The following RNF19A variants were observed in gnomAD, a reference collection of about 807,000 sequenced individuals.
The protein encoded by RNF19A is ring finger protein 19A, RBR E3 ubiquitin protein ligase, also known as E3 ubiquitin-protein ligase RNF19A.
RNF19A carries 32 observed loss-of-function variants against 75.7 expected under a neutral mutation model. The ratio of observed to expected loss-of-function variants is 0.42; its 90% CI spans 0.32 to 0.57. RNF19A has a LOEUF of 0.57. Ranked by LOEUF, RNF19A falls within the 20% of genes least tolerant of loss-of-function variation. The pLI is 0.10. For synonymous variants in RNF19A, 335 were observed against 345.2 expected (o/e 0.97, Z 0.33); for missense variants, 782 against 1,036.3 (o/e 0.75, Z 3.37).
intron 2 of RNF19A, among the ~76,000 whole-genome samples, chr8:100,282,312 T>A (rs529307065): frequency 6.6e-6 from 1 of 152,168 alleles, no homozygotes; most frequent in Admixed American, 6.5e-5. Flanking sequence ...AGATTGAGCA[T>A]CCCTAGTCAA....
chr8:100,257,232 AAG>A lies in RNF19A; in HGVS notation c.*1322_*1323del, dbSNP rs1169493247. 3 of 152,664 alleles carry A rather than the reference AAG, an allele frequency of 2.0e-5. No individual in the cohort carries two copies. The highest frequency in any genetic ancestry group is 6.5e-5 in the Admixed American group (1 of 15,286). The allele number at this position is 152,664 out of a possible 1,614,324, so 9.5% of individuals were successfully genotyped here. A position where few individuals can be genotyped will look rare whatever the true frequency, so the allele number is the denominator to read the frequency against. On this transcript the variant is annotated 3_prime_UTR_variant, in exon 10 of 10. Coordinates refer to ENST00000341084, the MANE Select transcript of RNF19A (RefSeq NM_183419.4). The stretch of plus-strand genomic sequence containing the variant: ...ACCTGGTAGGGAAAAGTGATGGAAG[AAG>A]ACTGCAGCCCATGGCATTTTTCTTT...
chr8:100,304,558 T>C (rs1251780558), intron 1 of RNF19A, among the ~76,000 whole-genome samples: 2 of 152,234 alleles, frequency 1.3e-5, no homozygotes, highest in African/African-American at 4.8e-5. Context: ...CCTTATTTCA[T>C]GATTTTATTT....
chr8:100,295,148 G>T (rs935389488), intron 1 of RNF19A, among the ~76,000 whole-genome samples: 1 of 152,094 alleles, frequency 6.6e-6, no homozygotes, highest in African/African-American at 2.4e-5. Context: ...GAATGACTTT[G>T]CAAGGATCTA....
chr8:100,329,068 T>G lies in RNF19A; in HGVS notation c.-243+7040A>C, dbSNP rs7837515. 0.32 allele frequency among the ~76,000 whole-genome samples: 49,208 copies of G among 151,964 alleles called. 11,496 individuals are homozygous for G. Among genetic ancestry groups the G allele is most frequent in the African/African-American group, 0.66 (27,383 of 41,392 alleles). On this transcript the variant is annotated intron_variant, in intron 1 of 3. Coordinates refer to the RNF19A transcript ENST00000519527. This position sits in a 1 kb window ranked among gnomAD's most constrained non-coding sequence, Gnocchi z 4.3. The stretch of plus-strand genomic sequence containing the variant: ...GTGACTAATTCCAGGTGCCTCCAGA[T>G]CTGTCCTGGCTGCTACCCTTTAATT...
At chr8:100,268,703 A>AC in intron 5 of RNF19A, 82 bp downstream of exon 5, 1 of 782,132 alleles carries the variant, frequency 1.3e-6, no homozygotes, top group East Asian at 3.3e-5. Context: ...AAAAAAAAAA[A>AC]ACCCAAAAAT....
chr8:100,278,826 G>C (rs1001949786), intron 2 of RNF19A, among the ~76,000 whole-genome samples: 4 of 151,952 alleles, frequency 2.6e-5, no homozygotes, highest in Non-Finnish European at 5.9e-5. Context: ...TTGACAAGAA[G>C]AATTAAAAGC....
chr8:100,309,472 C>A, intron 1 of RNF19A: 1 of 985,546 alleles, frequency 1.0e-6, no homozygotes, highest in Non-Finnish European at 1.2e-6. Context: ...CCTTGGGTCT[C>A]CCCCGCTTTA....
At position 100,264,243 on chromosome 8, in the gene RNF19A, C is replaced by T. The variant is rs1343915722; in HGVS notation, c.1307-48G>A. 5 of 1,472,090 alleles carry T rather than the reference C, an allele frequency of 3.4e-6. No individual in the cohort carries two copies. Among genetic ancestry groups the T allele is most frequent in the Admixed American group, 3.8e-5 (2 of 52,328 alleles). 91.2% of individuals were successfully genotyped at this position (1,472,090 alleles called of 1,614,324 possible). On this transcript the variant is annotated intron_variant, in intron 6 of 9. Coordinates refer to ENST00000341084, the MANE Select transcript of RNF19A (RefSeq NM_183419.4). This position sits in a 1 kb window ranked among gnomAD's most constrained non-coding sequence, Gnocchi z 4.7. ...ATTACAAACAACAACAACAAAATAACTCACAGAAACATGAGTTTTAGAAAG... is the reference window on the plus strand; with the variant it reads ...ATTACAAACAACAACAACAAAATAATTCACAGAAACATGAGTTTTAGAAAG...
At chr8:100,294,237 C>A (rs1435364523) in intron 1 of RNF19A, among the ~76,000 whole-genome samples, 1 of 152,104 alleles carries the variant, frequency 6.6e-6, no homozygotes, top group African/African-American at 2.4e-5. Flanking sequence ...TTTTATTATA[C>A]TGGGCAATTA....
intron 2 of RNF19A, among the ~76,000 whole-genome samples, chr8:100,281,321 T>C (rs1286651687): frequency 1.3e-5 from 2 of 152,056 alleles, no homozygotes; most frequent in South Asian, 2.1e-4. Context: ...CCAAGTAAAA[T>C]TAAAGTGGTT....
Position 100,264,815 on chromosome 8 carries a change from T to C in RNF19A, c.1192-30A>G, listed in dbSNP as rs1819895080. The C allele has an allele frequency of 6.8e-7, 1 of 1,462,396 alleles. No individual in the cohort carries two copies. The highest frequency in any genetic ancestry group is 9.6e-7 in the Non-Finnish European group (1 of 1,043,610). The allele number at this position is 1,462,396 out of a possible 1,614,324, so 90.6% of individuals were successfully genotyped here. A position where few individuals can be genotyped will look rare whatever the true frequency, so the allele number is the denominator to read the frequency against. On this transcript the variant is annotated intron_variant, in intron 5 of 9. Transcript: ENST00000341084. This position sits in a 1 kb window ranked among gnomAD's most constrained non-coding sequence, Gnocchi z 4.7. Reference sequence around the variant, plus strand: ...AATTAATAAAAATAGGGGTGGGGGATTAAAGAGAAAATACATTACAATTTA... The same window carrying C: ...AATTAATAAAAATAGGGGTGGGGGACTAAAGAGAAAATACATTACAATTTA...
rs1214605306 is a variant in RNF19A, at chr8:100,330,645, G to T, written c.-243+5463C>A. Among the ~76,000 whole-genome samples the T allele has an allele frequency of 6.6e-6, 1 of 152,224 alleles. No homozygotes were observed. Among genetic ancestry groups the T allele is most frequent in the African/African-American group, 2.4e-5 (1 of 41,464 alleles). On this transcript the variant is annotated intron_variant, in intron 1 of 3. Transcript: ENST00000519527. The surrounding 1 kb of genome is among the most constrained non-coding windows in gnomAD (Gnocchi z 4.1). ...GGTGGAGAAAGAGAACGAATATCCTGATGATATTGTTGAGTCTCTGGACTT... is the reference window on the plus strand; with the variant it reads ...GGTGGAGAAAGAGAACGAATATCCTTATGATATTGTTGAGTCTCTGGACTT...
intron 1 of RNF19A, among the ~76,000 whole-genome samples, chr8:100,318,723 C>T (rs1281401073): frequency 2.0e-5 from 3 of 152,156 alleles, no homozygotes; most frequent in Non-Finnish European, 4.4e-5. Context: ...TAGATATGAC[C>T]CAGAAGCTTG....
chr8:100,334,591 G>A (rs7818852), intron 1 of RNF19A, among the ~76,000 whole-genome samples: 73,892 of 152,010 alleles, frequency 0.49, 20,871 homozygotes, highest in African/African-American at 0.79. Context: ...CCTTTCTTGT[G>A]CCCCACCTCC....
chr8:100,334,721 G>A (rs1822654737), intron 1 of RNF19A, among the ~76,000 whole-genome samples: 1 of 152,134 alleles, frequency 6.6e-6, no homozygotes, highest in African/African-American at 2.4e-5. Flanking sequence ...CCCCGCTGGC[G>A]TGCACCCATT....
At chr8:100,290,841 G>A (rs1248506147) in intron 1 of RNF19A, among the ~76,000 whole-genome samples, 1 of 152,172 alleles carries the variant, frequency 6.6e-6, no homozygotes, top group African/African-American at 2.4e-5. Flanking sequence ...TGTTACTGTA[G>A]TGAATACTGG....
rs1449497844 is a variant in RNF19A at position 100,317,992 on chromosome 8, C to G, written c.-242-4620G>C. 6.6e-6 allele frequency among the ~76,000 whole-genome samples: 1 copy of G among 152,140 alleles called. No homozygotes were observed. The highest frequency in any genetic ancestry group is 1.5e-5 in the Non-Finnish European group (1 of 68,018). On this transcript the variant is annotated intron_variant, in intron 1 of 3. Coordinates refer to the RNF19A transcript ENST00000519527. The surrounding 1 kb of genome is among the most constrained non-coding windows in gnomAD (Gnocchi z 4.3). ...GGATAGGGCCTAGAACACCCCCTCC[C>G]CACCCTCTCCAGCCCCTGACCCCAT...
intron 1 of RNF19A, among the ~76,000 whole-genome samples, chr8:100,320,033 A>T (rs1004079243): frequency 6.0e-5 from 9 of 149,206 alleles, no homozygotes; most frequent in African/African-American, 2.2e-4. Context: ...ATGGAGTTTC[A>T]CCATGTTGGC....
intron 3 of RNF19A, among the ~76,000 whole-genome samples, chr8:100,273,949 A>G (rs1414493512): frequency 6.6e-6 from 1 of 151,774 alleles, no homozygotes; most frequent in African/African-American, 2.4e-5. Context: ...CGCCCAGCTA[A>G]TTTTTGTATT....
Sources: gnomAD v4.1 joint callset for allele counts (sites outside exome capture counted in the v4.1 genomes callset) on GRCh38, gnomAD v4.1.1 for gene constraint, Gnocchi (gnomAD v3.1) non-coding constraint, MANE v1.5 for transcripts, NCBI Gene and HGNC (gene_info 2026-07-23, HGNC 2026-07-21) for gene names.